The following NUP210L variants were observed in gnomAD, a reference collection of about 807,000 sequenced individuals.
NUP210L encodes the protein nucleoporin 210 like.
In NUP210L, 74 loss-of-function variants were observed where a neutral mutation model predicts 208.5. The ratio of observed to expected loss-of-function variants is 0.35; its 90% CI spans 0.29 to 0.43. NUP210L has a LOEUF of 0.43. NUP210L is among the 20% of genes least tolerant of loss of function. The pLI is 1.00. For missense variants in NUP210L, 1,843 were observed against 2,289.4 expected, an observed-to-expected ratio of 0.81 and a Z score of 3.98; for synonymous variants, 780 against 816.9, an observed-to-expected ratio of 0.95 and a Z score of 0.77.
At chr1:154,045,734 C>A (rs1222749468) in intron 27 of NUP210L, among the ~76,000 whole-genome samples, 2 of 152,178 alleles carry the variant, frequency 1.3e-5, no homozygotes, top group African/African-American at 4.8e-5. Context: ...GTAATCCCAG[C>A]ACTTCGGGAG....
At chr1:154,025,188 A>G (rs192027207) in intron 30 of NUP210L, among the ~76,000 whole-genome samples, 1,775 of 152,028 alleles carry the variant, frequency 0.012, 16 homozygotes, top group Admixed American at 0.019. Flanking sequence ...TCAGCCTCCC[A>G]AAGTGCTGGG....
chr1:154,015,339 A>G (rs977656194), intron 33 of NUP210L, among the ~76,000 whole-genome samples: 3 of 150,828 alleles, frequency 2.0e-5, no homozygotes, highest in African/African-American at 7.3e-5. Flanking sequence ...TAATCCCAGC[A>G]CTTCGGGAGG....
chr1:154,077,131 T>C (rs1436256081), intron 16 of NUP210L, among the ~76,000 whole-genome samples: 1 of 151,924 alleles, frequency 6.6e-6, no homozygotes, highest in Non-Finnish European at 1.5e-5. Flanking sequence ...TCTTAGCACT[T>C]TGGGGGGCCG....
chr1:154,121,405 C>T (rs1657609324), intron 10 of NUP210L, among the ~76,000 whole-genome samples: 1 of 152,066 alleles, frequency 6.6e-6, no homozygotes, highest in Non-Finnish European at 1.5e-5. Flanking sequence ...AAAGATGGCC[C>T]CCAAAGATTT....
chr1:154,056,303 C>G (rs1259222680), intron 23 of NUP210L, among the ~76,000 whole-genome samples: 1 of 152,108 alleles, frequency 6.6e-6, no homozygotes, highest in Non-Finnish European at 1.5e-5. Context: ...CACAGGCATG[C>G]ACCACTACAC....
rs142198864 is a variant in NUP210L, at chr1:154,000,801, T to C, written c.5386+55A>G. 3.6e-4 allele frequency: 537 copies of C among 1,489,680 alleles called. 2 individuals are homozygous for C. In the African/African-American group the frequency reaches 6.1e-3, roughly 17 times the overall value. 92.3% of individuals were successfully genotyped at this position (1,489,680 alleles called of 1,614,324 possible). On this transcript the variant is annotated intron_variant, in intron 37 of 39. Coordinates refer to ENST00000368559, the Ensembl canonical transcript of NUP210L. ...CTGCAGATGGGGGGTACTAATGTAA[T>C]ACATTCTTTCTTCTTTTCCTCTCTA...
At position 154,110,270 on chromosome 1, in the gene NUP210L, A is replaced by G. The variant is rs552340270; in HGVS notation, c.1621-6060T>C. Among the ~76,000 whole-genome samples, 9 of 149,810 alleles carry G rather than the reference A, an allele frequency of 6.0e-5. 1 individual carries two copies. Among genetic ancestry groups the G allele is most frequent in the African/African-American group, 2.2e-4 (9 of 40,170 alleles). ...AAGGTAGAAAAACTTGAAAAAAACAACCCAATGTTGTATTTTTTTTTTTTG... is the reference window on the plus strand; with the variant it reads ...AAGGTAGAAAAACTTGAAAAAAACAGCCCAATGTTGTATTTTTTTTTTTTG... On this transcript the variant is annotated intron_variant, in intron 12 of 39. Transcript: ENST00000368559.
intron 23 of NUP210L, among the ~76,000 whole-genome samples, chr1:154,055,974 G>T (rs189611373): frequency 6.6e-6 from 1 of 152,070 alleles, no homozygotes; most frequent in African/African-American, 2.4e-5. Context: ...CAGGAGAATC[G>T]CTTGAACCCA....
At chr1:154,072,999 A>T (rs1654836217) in intron 16 of NUP210L, among the ~76,000 whole-genome samples, 1 of 152,238 alleles carries the variant, frequency 6.6e-6, no homozygotes. Flanking sequence ...ACAGAGTGGG[A>T]GAAAATCTTC....
chr1:154,019,050 C>A, exon 33 of NUP210L: 2 of 1,614,092 alleles, frequency 1.2e-6, no homozygotes, highest in African/African-American at 1.3e-5. Flanking sequence ...TGGCAGAAAT[C>A]ATCCATATCC....
intron 27 of NUP210L, among the ~76,000 whole-genome samples, chr1:154,038,494 C>T (rs770383358): frequency 1.1e-4 from 17 of 152,086 alleles, no homozygotes; most frequent in Non-Finnish European, 2.4e-4. Flanking sequence ...AGGAATGCAC[C>T]ACCATGCCTG....
exon 25 of NUP210L, chr1:154,054,359 T>C: frequency 6.2e-7 from 1 of 1,614,182 alleles, no homozygotes; most frequent in South Asian, 1.1e-5. Flanking sequence ...TGATTACTGA[T>C]GGAGAAGTGA....
chr1:154,138,127 T>C (rs2148137724), exon 6 of NUP210L: 2 of 1,505,266 alleles, frequency 1.3e-6, no homozygotes, highest in East Asian at 5.2e-5. Flanking sequence ...CCTTGAACCA[T>C]TTTTGCAACT....
chr1:153,998,434 A>T (rs992062467), intron 37 of NUP210L, among the ~76,000 whole-genome samples: 2 of 151,870 alleles, frequency 1.3e-5, no homozygotes, highest in Admixed American at 6.6e-5. Flanking sequence ...GGGCACCTGC[A>T]ATCCTAGCTA....
intron 28 of NUP210L, among the ~76,000 whole-genome samples, chr1:154,028,816 C>T (rs1447836488): frequency 2.0e-5 from 3 of 151,736 alleles, no homozygotes; most frequent in Non-Finnish European, 2.9e-5. Flanking sequence ...TAAAAGCAGC[C>T]GGGCGTGGTA....
rs574188320 is a variant in NUP210L, at chr1:154,097,607, A to G, written c.1965+2391T>C. Among the ~76,000 whole-genome samples, 8 of 152,352 alleles carry G rather than the reference A, an allele frequency of 5.3e-5. No individual in the cohort carries two copies. The South Asian group carries it at 8.3e-4, about 16-fold the overall frequency. On this transcript the variant is annotated intron_variant, in intron 14 of 39. Coordinates refer to ENST00000368559, the Ensembl canonical transcript of NUP210L. ...CATATATTTAATATATATGCTACAC[A>G]ATGTACAATGAGGCCAACTTAAAAT...
intron 27 of NUP210L, among the ~76,000 whole-genome samples, chr1:154,030,403 TCCTC>T (rs756303350): frequency 2.3e-4 from 35 of 151,962 alleles, no homozygotes; most frequent in South Asian, 1.0e-3. Flanking sequence ...GCTCCAGTGA[TCCTC>T]CCACCTCACT....
intron 2 of NUP210L, among the ~76,000 whole-genome samples, chr1:154,149,525 A>T (rs551570051): frequency 6.6e-6 from 1 of 152,090 alleles, no homozygotes; most frequent in Admixed American, 6.5e-5. Context: ...AGCCTGAGCA[A>T]CCCCACTACC....
At chr1:154,027,411 C>T (rs1651953834) in intron 29 of NUP210L, 95 bp downstream of exon 29, 2 of 836,068 alleles carry the variant, frequency 2.4e-6, no homozygotes, top group Non-Finnish European at 3.8e-6. Flanking sequence ...TGGGAAAAAT[C>T]TCCTAGAAGG....
Sources: gnomAD v4.1 joint callset for allele counts (sites outside exome capture counted in the v4.1 genomes callset) on GRCh38, gnomAD v4.1.1 for gene constraint, MANE v1.5 for transcripts, NCBI Gene and HGNC (gene_info 2026-07-23, HGNC 2026-07-21) for gene names.